ARB2A: variants seen among roughly 807,000 people sequenced by gnomAD.
ARB2A encodes cotranscriptional regulator ARB2A.
the ARB2A span, among the ~76,000 whole-genome samples, chr5:94,032,833 T>C: frequency 6.6e-6 from 1 of 152,176 alleles, no homozygotes; most frequent in African/African-American, 2.4e-5. Flanking sequence ...CTCCTTTCTT[T>C]CTGCACATTC....
At chr5:94,011,070 A>G in the ARB2A span, among the ~76,000 whole-genome samples, 2 of 152,294 alleles carry the variant, frequency 1.3e-5, no homozygotes, top group South Asian at 4.1e-4. Context: ...ACTCCAATAG[A>G]GCACTTCACT....
the ARB2A span, among the ~76,000 whole-genome samples, chr5:93,878,175 CAT>C: frequency 1.7e-3 from 256 of 152,084 alleles, 1 homozygote; most frequent in Non-Finnish European, 4.3e-4. Context: ...AATGTTTCCT[CAT>C]AGAAAATCAA....
the ARB2A span, among the ~76,000 whole-genome samples, chr5:93,914,331 C>G: frequency 1.3e-5 from 2 of 151,850 alleles, no homozygotes; most frequent in Non-Finnish European, 1.5e-5. Context: ...TTATAGTAAT[C>G]TATGCTGTAA....
chr5:94,055,510 C>T, the ARB2A span: 6 of 436,936 alleles, frequency 1.4e-5, no homozygotes, highest in African/African-American at 1.3e-4. Context: ...ACTCTTCTAA[C>T]TCTTATATCA....
the ARB2A span, among the ~76,000 whole-genome samples, chr5:93,628,713 T>G: frequency 3.9e-5 from 6 of 152,334 alleles, no homozygotes; most frequent in East Asian, 1.2e-3. Flanking sequence ...CAACCTCTTC[T>G]GAAGTTTCCA....
the ARB2A span, chr5:93,740,074 C>T: frequency 6.6e-6 from 1 of 150,570 alleles, no homozygotes; most frequent in African/African-American, 2.4e-5. Context: ...CTGTGTGTTT[C>T]TTCCCTATCA....
the ARB2A span, among the ~76,000 whole-genome samples, chr5:93,978,428 T>C: frequency 8.5e-5 from 13 of 152,290 alleles, no homozygotes; most frequent in South Asian, 1.9e-3. Context: ...TGGAATACTA[T>C]GCAGCCAGAA....
At chr5:93,791,051 T>C in the ARB2A span, among the ~76,000 whole-genome samples, 1 of 152,212 alleles carries the variant, frequency 6.6e-6, no homozygotes, top group African/African-American at 2.4e-5. Context: ...GGTATCTATG[T>C]GCTCTTCAGT....
At chr5:94,094,786 G>A in the ARB2A span, among the ~76,000 whole-genome samples, 1 of 152,152 alleles carries the variant, frequency 6.6e-6, no homozygotes, top group Non-Finnish European at 1.5e-5. Flanking sequence ...TGTAAGTTCA[G>A]AGGATTCCCA....
chr5:93,762,255 G>A, the ARB2A span, among the ~76,000 whole-genome samples: 2 of 152,154 alleles, frequency 1.3e-5, no homozygotes, highest in African/African-American at 4.8e-5. Flanking sequence ...ACTACTCTGA[G>A]CTAAAGGAGG....
the ARB2A span, among the ~76,000 whole-genome samples, chr5:93,828,016 A>G: frequency 3.3e-5 from 5 of 152,294 alleles, no homozygotes; most frequent in South Asian, 4.1e-4. Context: ...GTTTGAAGTC[A>G]GGTAGTGTGA....
At chr5:94,111,243 G>C in the ARB2A span, among the ~76,000 whole-genome samples, 1 of 152,174 alleles carries the variant, frequency 6.6e-6, no homozygotes, top group South Asian at 2.1e-4. Context: ...GGGACTCCCA[G>C]AATCCCGTAC....
the ARB2A span, among the ~76,000 whole-genome samples, chr5:94,089,382 C>A: frequency 3.3e-5 from 5 of 152,032 alleles, no homozygotes; most frequent in Admixed American, 1.3e-4. Context: ...CTTTAAATGT[C>A]TTTATTTTTG....
the ARB2A span, among the ~76,000 whole-genome samples, chr5:93,893,822 G>GA: frequency 6.6e-6 from 1 of 152,088 alleles, no homozygotes; most frequent in Non-Finnish European, 1.5e-5. Context: ...TTCTAAACCA[G>GA]AAAATCACAA....
the ARB2A span, among the ~76,000 whole-genome samples, chr5:93,840,652 C>T: frequency 6.6e-6 from 1 of 152,118 alleles, no homozygotes; most frequent in Non-Finnish European, 1.5e-5. Context: ...AACACTAACA[C>T]CATCTCTTGT....
At chr5:93,961,220 A>G in the ARB2A span, among the ~76,000 whole-genome samples, 1 of 152,120 alleles carries the variant, frequency 6.6e-6, no homozygotes, top group Non-Finnish European at 1.5e-5. Flanking sequence ...TGGAATGGCT[A>G]TGGAGATGGA....
chr5:94,015,004 C>T, the ARB2A span, among the ~76,000 whole-genome samples: 1 of 151,488 alleles, frequency 6.6e-6, no homozygotes, highest in African/African-American at 2.4e-5. Flanking sequence ...AGAAAACTTT[C>T]CAAAACATGA....
the ARB2A span, among the ~76,000 whole-genome samples, chr5:93,625,321 G>A: frequency 7.2e-5 from 11 of 152,130 alleles, no homozygotes; most frequent in South Asian, 8.3e-4. Context: ...GTAAAAGCAC[G>A]GCATAATATT....
the ARB2A span, among the ~76,000 whole-genome samples, chr5:93,766,361 A>C: frequency 7.9e-5 from 12 of 152,328 alleles, no homozygotes; most frequent in African/African-American, 2.9e-4. Context: ...AAACAACCCC[A>C]TCAATAAGTG....
Sources: allele counts gnomAD v4.1 joint callset (sites outside exome capture counted in the v4.1 genomes callset), GRCh38; gene constraint gnomAD v4.1.1; transcripts MANE v1.5; gene names NCBI Gene and HGNC (gene_info 2026-07-23, HGNC 2026-07-21).